SPPL2A: variants seen among roughly 807,000 people sequenced by gnomAD.
SPPL2A encodes signal peptide peptidase like 2A, also known as signal peptide peptidase-like 2A.
SPPL2A carries 51 observed loss-of-function variants against 63.8 expected under a neutral mutation model. The observed-to-expected ratio is 0.80, with a 90% CI of 0.64 to 1.01. The LOEUF (loss-of-function observed/expected upper bound fraction) is 1.01. Ranked by LOEUF, SPPL2A falls within the 50% of genes least tolerant of loss-of-function variation. The probability of loss-of-function intolerance (pLI) is 0.00; values close to 1 mark genes in which losing one functional copy is unlikely to be tolerated. For synonymous variants in SPPL2A, 188 were observed against 205.8 expected (o/e 0.91, Z 0.74); for missense variants, 553 against 622.7 (o/e 0.89, Z 1.19).
chr15:50,724,429 T>A (rs1252024890), intron 12 of SPPL2A, among the ~76,000 whole-genome samples: 4 of 152,050 alleles, frequency 2.6e-5, no homozygotes, highest in African/African-American at 7.2e-5. Context: ...ACAAAAAAAA[T>A]TAGCCAGGTG....
chr15:50,709,119 A>G (rs1024172063), intron 14 of SPPL2A, among the ~76,000 whole-genome samples: 21 of 152,132 alleles, frequency 1.4e-4, no homozygotes, highest in African/African-American at 5.1e-4. Flanking sequence ...AAATTGTCTT[A>G]TATTTGGAAA....
intron 10 of SPPL2A, among the ~76,000 whole-genome samples, chr15:50,726,892 A>C (rs1480339403): frequency 6.6e-6 from 1 of 152,226 alleles, no homozygotes; most frequent in African/African-American, 2.4e-5. Context: ...CAATGAAACC[A>C]AACTCGAAAA....
chr15:50,714,016 T>C (rs1164950729), intron 14 of SPPL2A, among the ~76,000 whole-genome samples: 1 of 152,192 alleles, frequency 6.6e-6, no homozygotes, highest in Admixed American at 6.6e-5. Flanking sequence ...GCTACACAGC[T>C]AATAATTAAC....
At position 50,765,485 on chromosome 15, in the gene SPPL2A, C is replaced by T. The variant is rs1215475075; in HGVS notation, c.49G>A (p.Gly17Ser). Residue 17 changes from glycine (G) to serine (S), a missense_variant, in exon 1 of 15, where the codon GGC becomes AGC. Transcript: ENST00000261854. ...CCCCTTACCAGCTGGAGCAGGAAGC[C>T]CCAGAGTAGGGCGGCCCCGGCAGGG... ...LSPAGAALLW[G>S]FLLQLTAAQE... 3 of 1,504,408 alleles carry T rather than the reference C, an allele frequency of 2.0e-6. No individual in the cohort carries two copies. Among genetic ancestry groups the T allele is most frequent in the Non-Finnish European group, 2.6e-6 (3 of 1,134,148 alleles). 93.2% of individuals were successfully genotyped at this position (1,504,408 alleles called of 1,614,324 possible). A position where few individuals can be genotyped will look rare whatever the true frequency, so the allele number is the denominator to read the frequency against.
At chr15:50,719,878 C>T (rs1436921477) in intron 14 of SPPL2A, 62 bp downstream of exon 14, 13 of 1,355,526 alleles carry the variant, frequency 9.6e-6, no homozygotes, top group Non-Finnish European at 1.1e-5. Context: ...GCTGTTCCCA[C>T]CCAAAATCAG....
chr15:50,717,897 C>T (rs1355159163), intron 14 of SPPL2A, among the ~76,000 whole-genome samples: 1 of 151,414 alleles, frequency 6.6e-6, no homozygotes, highest in Non-Finnish European at 1.5e-5. Flanking sequence ...TGGCACCTGC[C>T]GTAACTAATA....
chr15:50,720,196 G>A (rs1262687191), intron 13 of SPPL2A, 96 bp from the exon 14 acceptor site: 3 of 970,750 alleles, frequency 3.1e-6, no homozygotes, highest in Non-Finnish European at 3.0e-6. Context: ...AAACATTTCT[G>A]AGGATATTTT....
At chr15:50,760,604 G>C (rs554820909) in intron 1 of SPPL2A, among the ~76,000 whole-genome samples, 1 of 151,850 alleles carries the variant, frequency 6.6e-6, no homozygotes, top group Non-Finnish European at 1.5e-5. Context: ...TGAGGGTCCC[G>C]TCTTCATGAG....
intron 11 of SPPL2A, chr15:50,725,835 T>C (rs1184901199): frequency 4.2e-6 from 1 of 236,850 alleles, no homozygotes; most frequent in Non-Finnish European, 8.5e-6. Context: ...AAGAAAAAGA[T>C]TAGTTTTGAA....
Position 50,706,294 on chromosome 15 carries a change from G to A in SPPL2A, c.*1506C>T, listed in dbSNP as rs1432296480. ...AGTCCTAGCTACTTGGGAGGCTGAG[G>A]CAGGAGAATGGCGTGAACCCGGGAG... On this transcript the variant is annotated 3_prime_UTR_variant, in exon 15 of 15. Transcript: ENST00000261854. 6.7e-6 allele frequency: 1 copy of A among 148,418 alleles called. No homozygotes were observed. The highest frequency in any genetic ancestry group is 1.5e-5 in the Non-Finnish European group (1 of 67,102). 9.2% of individuals were successfully genotyped at this position (148,418 alleles called of 1,614,324 possible).
intron 13 of SPPL2A, among the ~76,000 whole-genome samples, chr15:50,721,366 A>C (rs1189936204): frequency 6.6e-6 from 1 of 151,596 alleles, no homozygotes; most frequent in Non-Finnish European, 1.5e-5. Context: ...TGCTTTTTGA[A>C]TTTCTTTATA....
Position 50,714,416 on chromosome 15 carries a change from AG to A in SPPL2A, c.1488+5523del, listed in dbSNP as rs1207515222. On this transcript the variant is annotated intron_variant, in intron 14 of 14. Coordinates refer to ENST00000261854, the MANE Select transcript of SPPL2A (RefSeq NM_032802.4). ...GGAGGCCGAGGTTGGTGGATCATCGAGGGTCAGGAGTTTGAGACTAGCCTGA... is the reference window on the plus strand; with the variant it reads ...GGAGGCCGAGGTTGGTGGATCATCGAGGTCAGGAGTTTGAGACTAGCCTGA... 3.0e-4 allele frequency among the ~76,000 whole-genome samples: 44 copies of A among 148,010 alleles called. No individual in the cohort carries two copies. The East Asian group carries it at 8.9e-3, about 30-fold the overall frequency.
intron 6 of SPPL2A, among the ~76,000 whole-genome samples, chr15:50,737,887 C>T (rs1184459311): frequency 2.0e-5 from 3 of 151,970 alleles, no homozygotes; most frequent in African/African-American, 7.2e-5. Flanking sequence ...GCCTGGCCAA[C>T]ATGGTGAAAC....
intron 5 of SPPL2A, among the ~76,000 whole-genome samples, chr15:50,741,056 T>C (rs2062816216): frequency 1.3e-5 from 2 of 152,150 alleles, no homozygotes; most frequent in Admixed American, 1.3e-4. Flanking sequence ...TAACGAAATA[T>C]TGTATCAACC....
rs1286384503 is a variant in SPPL2A, at chr15:50,703,343, T to TACAC, written c.*4456_*4457insGTGT. On this transcript the variant is annotated 3_prime_UTR_variant, in exon 15 of 15. Coordinates refer to ENST00000261854, the MANE Select transcript of SPPL2A (RefSeq NM_032802.4). ...ATATATACATATATATATATATATA[T>TACAC]ATACATATATATATTTTTTTTTTTT... 1.1e-5 allele frequency: 1 copy of TACAC among 90,266 alleles called. No homozygotes were observed. Among genetic ancestry groups the TACAC allele is most frequent in the Non-Finnish European group, 2.2e-5 (1 of 45,252 alleles). The allele number at this position is 90,266 out of a possible 1,614,324, so 5.6% of individuals were successfully genotyped here.
intron 7 of SPPL2A, 78 bp downstream of exon 7, chr15:50,736,566 T>C (rs1036247949): frequency 2.1e-5 from 17 of 827,670 alleles, no homozygotes; most frequent in Non-Finnish European, 3.2e-5. Context: ...TATATAGGTT[T>C]CAAATAATAC....
chr15:50,716,822 T>C (rs1365030227), intron 14 of SPPL2A, among the ~76,000 whole-genome samples: 1 of 152,202 alleles, frequency 6.6e-6, no homozygotes, highest in Non-Finnish European at 1.5e-5. Flanking sequence ...CAACTCTTTA[T>C]TCTGTATGCT....
intron 11 of SPPL2A, chr15:50,726,094 T>C: frequency 6.7e-7 from 1 of 1,501,968 alleles, no homozygotes; most frequent in Middle Eastern, 1.7e-4. Context: ...GAGCTGAGGG[T>C]TGACCAGTGG....
intron 1 of SPPL2A, among the ~76,000 whole-genome samples, chr15:50,754,748 C>G (rs933150806): frequency 1.3e-4 from 20 of 151,894 alleles, no homozygotes; most frequent in African/African-American, 4.8e-4. Context: ...TTTGGGAGGC[C>G]TAGGTGGGCG....
Sources: gnomAD v4.1 joint callset for allele counts (sites outside exome capture counted in the v4.1 genomes callset) on GRCh38, gnomAD v4.1.1 for gene constraint, MANE v1.5 for transcripts, NCBI Gene and HGNC (gene_info 2026-07-23, HGNC 2026-07-21) for gene names.